The following FBXO4 variants were observed in gnomAD, a reference collection of about 807,000 sequenced individuals.
FBXO4 encodes the protein F-box only protein 4.
Under a neutral mutation model 43.7 loss-of-function variants are expected in FBXO4, and 36 were observed. The ratio of observed to expected loss-of-function variants is 0.82; its 90% CI spans 0.63 to 1.09. FBXO4 has a LOEUF of 1.09. Ranked by LOEUF, FBXO4 falls within the 50% of genes least tolerant of loss-of-function variation. FBXO4 has a pLI of 0.00. For missense variants in FBXO4, 435 were observed against 474.1 expected (o/e 0.92, Z 0.77); for synonymous variants, 180 against 165.6 (o/e 1.09, Z -0.67).
At chr5:41,930,161 T>C (rs1480027382) in intron 3 of FBXO4, 3 of 444,024 alleles carry the variant, frequency 6.8e-6, no homozygotes, top group East Asian at 7.6e-5. Flanking sequence ...AAATTATTTG[T>C]TGTCAAGATG....
At chr5:41,942,204 G>A (rs879107893), downstream of FBXO4, among the ~76,000 whole-genome samples, 1 of 151,938 alleles carries the variant, frequency 6.6e-6, no homozygotes, top group African/African-American at 2.4e-5. Context: ...TGTTGAGGGG[G>A]CAGAATTTTG....
At chr5:41,989,057 C>T in the FBXO4 span, among the ~76,000 whole-genome samples, 3 of 151,926 alleles carry the variant, frequency 2.0e-5, no homozygotes, top group Non-Finnish European at 4.4e-5. Context: ...ATTTGGGGCA[C>T]GGTTTCTGAT....
chr5:41,977,103 G>C, the FBXO4 span, among the ~76,000 whole-genome samples: 1 of 152,184 alleles, frequency 6.6e-6, no homozygotes, highest in African/African-American at 2.4e-5. Context: ...ATGGGGCCCT[G>C]GATCTGGCCC....
intron 5 of FBXO4, chr5:41,934,540 C>T (rs1751798543): frequency 7.3e-7 from 1 of 1,369,532 alleles, no homozygotes; most frequent in Non-Finnish European, 9.5e-7. Context: ...GGATTTTATT[C>T]CTAGATTTGG....
intron 3 of FBXO4, among the ~76,000 whole-genome samples, chr5:41,933,020 A>G (rs1751738574): frequency 6.6e-6 from 1 of 152,224 alleles, no homozygotes; most frequent in Non-Finnish European, 1.5e-5. Context: ...GGAGTTTTAC[A>G]TGTATGATCT....
the FBXO4 span, among the ~76,000 whole-genome samples, chr5:42,036,670 T>C: frequency 6.6e-6 from 1 of 152,064 alleles, no homozygotes; most frequent in African/African-American, 2.4e-5. Flanking sequence ...TCACCTTTGA[T>C]GGGGAAAGTT....
chr5:42,014,176 C>A, the FBXO4 span, among the ~76,000 whole-genome samples: 1 of 152,140 alleles, frequency 6.6e-6, no homozygotes, highest in East Asian at 1.9e-4. Context: ...ACTCTCACTT[C>A]TTCGTACTCA....
intron 1 of FBXO4, among the ~76,000 whole-genome samples, 156 bp from the exon 2 acceptor site, chr5:41,926,854 TAGC>T (rs1210776755): frequency 1.3e-5 from 2 of 152,252 alleles, no homozygotes; most frequent in African/African-American, 2.4e-5. Context: ...CCTTTGCTGA[TAGC>T]AGGAAAATAA....
chr5:42,008,565 T>A, the FBXO4 span, among the ~76,000 whole-genome samples: 1 of 152,188 alleles, frequency 6.6e-6, no homozygotes, highest in Non-Finnish European at 1.5e-5. Context: ...CAGACATGTC[T>A]AACTAAGTAA....
chr5:42,037,289 G>A, the FBXO4 span, among the ~76,000 whole-genome samples: 2 of 152,146 alleles, frequency 1.3e-5, no homozygotes, highest in South Asian at 4.2e-4. Flanking sequence ...GCAAGGTTAT[G>A]AGCAGGTATG....
intron 5 of FBXO4, chr5:41,935,000 C>G (rs1027765022): frequency 1.0e-6 from 1 of 984,786 alleles, no homozygotes; most frequent in African/African-American, 1.7e-5. Flanking sequence ...AATTTATTTT[C>G]CCTGTGATCT....
At position 41,925,302 on chromosome 5, in the gene FBXO4, G is replaced by A; in HGVS notation, c.-8G>A. The A allele has an allele frequency of 1.5e-6, 2 of 1,331,354 alleles. No homozygotes were observed. Among genetic ancestry groups the A allele is most frequent in the Non-Finnish European group, 1.9e-6 (2 of 1,035,434 alleles). The allele number at this position is 1,331,354 out of a possible 1,614,324, so 82.5% of individuals were successfully genotyped here. A position where few individuals can be genotyped will look rare whatever the true frequency, so the allele number is the denominator to read the frequency against. ...TCTAAGACGCGTCACCCACGCTGCG[G>A]GCAAGCCATGGCGGGAAGCGAGCCG... On this transcript the variant is annotated 5_prime_UTR_variant, in exon 1 of 7. Transcript: ENST00000281623.
intron 3 of FBXO4, among the ~76,000 whole-genome samples, chr5:41,931,759 GGA>G (rs149031630): frequency 6.6e-6 from 1 of 152,294 alleles, no homozygotes; most frequent in East Asian, 1.9e-4. Flanking sequence ...TTTTGAGGAT[GGA>G]GAGGAAGATT....
chr5:41,934,234 T>A lies in FBXO4; in HGVS notation c.824T>A (p.Val275Glu), dbSNP rs1751786872. ...GDDQQGSRYSVIPQIQKVCEV... is the reference protein window; with the variant it reads ...GDDQQGSRYSEIPQIQKVCEV... The stretch of plus-strand genomic sequence containing the variant: ...GATCAACAAGGAAGCCGGTACAGTG[T>A]GATTCCACAGATTCAAAAAGTGTGT... The change falls in exon 5 of 7, where the codon GTG becomes GAG. Residue 275 changes from valine (V) to glutamate (E), a missense_variant. By Grantham distance (121) the Val-to-Glu change is moderately radical. Coordinates refer to ENST00000281623, the MANE Select transcript of FBXO4 (RefSeq NM_012176.3). 1 of 1,614,060 alleles carries A rather than the reference T, an allele frequency of 6.2e-7. No individual in the cohort carries two copies. The highest frequency in any genetic ancestry group is 1.3e-5 in the African/African-American group (1 of 74,948).
the FBXO4 span, among the ~76,000 whole-genome samples, chr5:41,990,067 C>T: frequency 6.6e-6 from 1 of 152,152 alleles, no homozygotes; most frequent in African/African-American, 2.4e-5. Flanking sequence ...TACAATAATA[C>T]CATCATCATA....
At chr5:41,996,254 G>C in the FBXO4 span, among the ~76,000 whole-genome samples, 4 of 152,256 alleles carry the variant, frequency 2.6e-5, no homozygotes, top group East Asian at 7.7e-4. Flanking sequence ...CCACTTTATG[G>C]CTAGATGGGT....
At chr5:42,022,648 ATAAT>A in the FBXO4 span, among the ~76,000 whole-genome samples, 24 of 152,122 alleles carry the variant, frequency 1.6e-4, no homozygotes, top group Non-Finnish European at 3.1e-4. Flanking sequence ...TCTTATAGAC[ATAAT>A]TAGTTACATG....
chr5:42,025,689 T>C, the FBXO4 span, among the ~76,000 whole-genome samples: 1 of 152,000 alleles, frequency 6.6e-6, no homozygotes, highest in East Asian at 1.9e-4. Context: ...TAGATTTAAG[T>C]CTTTAATTCA....
In FBXO4 at chr5:41,927,079, A is replaced by T. The variant is rs761591838; in HGVS notation, c.256A>T (p.Asn86Tyr). The T allele has an allele frequency of 7.4e-6, 12 of 1,613,906 alleles. No homozygotes were observed. The highest frequency in any genetic ancestry group is 1.7e-4 in the Middle Eastern group (1 of 6,058). The change falls in exon 2 of 7, where the codon AAT (asparagine) becomes TAT (tyrosine). Residue 86 changes from asparagine (N) to tyrosine (Y), a missense_variant. Transcript: ENST00000281623. ...PHDLCQLGST[N>Y]HYWNETVRDP... is the part of the protein sequence containing the mutation. ...TGATCTGTGTCAGTTGGGAAGTACA[A>T]ATCATTATTGGAATGAAACTGTAAG...
Sources: allele counts gnomAD v4.1 joint callset (sites outside exome capture counted in the v4.1 genomes callset), GRCh38; gene constraint gnomAD v4.1.1; transcripts MANE v1.5; gene names NCBI Gene and HGNC (gene_info 2026-07-23, HGNC 2026-07-21).